Variants in OSBPL6 observed in about 807,000 individuals in gnomAD.
The protein encoded by OSBPL6 is oxysterol-binding protein-related protein 6.
In OSBPL6, 49 loss-of-function variants were observed where a neutral mutation model predicts 125.8. The ratio of observed to expected loss-of-function variants is 0.39; its 90% CI spans 0.31 to 0.49. OSBPL6 has a LOEUF of 0.49. Ranked by LOEUF, OSBPL6 falls within the 20% of genes least tolerant of loss-of-function variation. OSBPL6 has a pLI of 0.88. For missense variants in OSBPL6, 986 were observed against 1,135.4 expected, an observed-to-expected ratio of 0.87 and a Z score of 1.89; for synonymous variants, 394 against 391.8, an observed-to-expected ratio of 1.01 and a Z score of -0.07.
intron 1 of OSBPL6, among the ~76,000 whole-genome samples, chr2:178,263,532 C>G (rs2092130030): frequency 6.6e-6 from 1 of 152,150 alleles, no homozygotes; most frequent in Non-Finnish European, 1.5e-5. Context: ...CCTCTAGCAG[C>G]CTAGCATCCT....
chr2:178,308,595 C>T (rs7562824), intron 3 of OSBPL6, among the ~76,000 whole-genome samples: 4,262 of 152,196 alleles, frequency 0.028, 188 homozygotes, highest in African/African-American at 0.097. Flanking sequence ...AATGATTGAG[C>T]ATTTCTACTT....
chr2:178,292,381 A>G (rs1685365428), intron 2 of OSBPL6, among the ~76,000 whole-genome samples: 2 of 152,202 alleles, frequency 1.3e-5, no homozygotes, highest in African/African-American at 2.4e-5. Flanking sequence ...TGAACCAACA[A>G]CACAAATCTC....
chr2:178,374,939 T>A (rs1693725303), intron 15 of OSBPL6, among the ~76,000 whole-genome samples: 1 of 152,192 alleles, frequency 6.6e-6, no homozygotes, highest in African/African-American at 2.4e-5. Flanking sequence ...AATAGAATTC[T>A]TATATCAGAT....
chr2:178,195,287 C>G (rs2153922101), intron 1 of OSBPL6, among the ~76,000 whole-genome samples: 2 of 152,334 alleles, frequency 1.3e-5, no homozygotes, highest in Middle Eastern at 6.8e-3. Flanking sequence ...GCCCTCCCGG[C>G]AGCCTCCGTC....
At chr2:178,279,058 A>G (rs1036975128) in intron 1 of OSBPL6, among the ~76,000 whole-genome samples, 25 of 152,164 alleles carry the variant, frequency 1.6e-4, no homozygotes, top group African/African-American at 5.8e-4. Flanking sequence ...TTGGTATGAA[A>G]TAGACTTTGC....
At chr2:178,272,811 C>A (rs974654494) in intron 1 of OSBPL6, among the ~76,000 whole-genome samples, 2 of 152,192 alleles carry the variant, frequency 1.3e-5, no homozygotes, top group Non-Finnish European at 2.9e-5. Context: ...AGCATGAGCA[C>A]CTGCCATGGG....
At chr2:178,386,916 C>T (rs906921327) in intron 19 of OSBPL6, 145 bp from the exon 20 acceptor site, 1 of 439,126 alleles carries the variant, frequency 2.3e-6, no homozygotes, top group Non-Finnish European at 4.0e-6. Flanking sequence ...GGGCCATTTG[C>T]AGGCACTTGT....
At chr2:178,278,182 G>A (rs769066474) in intron 1 of OSBPL6, among the ~76,000 whole-genome samples, 2 of 152,098 alleles carry the variant, frequency 1.3e-5, no homozygotes, top group Non-Finnish European at 2.9e-5. Flanking sequence ...CCTCTTTTGA[G>A]GAACTTCTTC....
intron 8 of OSBPL6, among the ~76,000 whole-genome samples, chr2:178,335,591 A>C (rs1430110093): frequency 6.6e-6 from 1 of 152,216 alleles, no homozygotes; most frequent in Non-Finnish European, 1.5e-5. Flanking sequence ...TAGAAGAGAC[A>C]CAACTCAGTT....
At chr2:178,201,961 G>A (rs1559110092) in intron 1 of OSBPL6, among the ~76,000 whole-genome samples, 1 of 152,178 alleles carries the variant, frequency 6.6e-6, no homozygotes, top group Admixed American at 6.5e-5. Flanking sequence ...GAACTTTCGG[G>A]AATGGCAGAA....
intron 1 of OSBPL6, among the ~76,000 whole-genome samples, chr2:178,228,194 C>G (rs1224071264): frequency 6.6e-6 from 1 of 152,208 alleles, no homozygotes; most frequent in African/African-American, 2.4e-5. Context: ...GAAGGTATCT[C>G]TTCCACTTTC....
chr2:178,387,159 C>A lies in OSBPL6; in HGVS notation c.2156+20C>A. 6.4e-7 allele frequency: 1 copy of A among 1,551,944 alleles called. No individual in the cohort carries two copies. The highest frequency in any genetic ancestry group is 1.1e-5 in the South Asian group (1 of 89,028). ...TCCAAAGTAGGTGACTCACACCTCCCTTTTGGCCTCTTGTCTGCTTTTCTA... is the reference window on the plus strand; with the variant it reads ...TCCAAAGTAGGTGACTCACACCTCCATTTTGGCCTCTTGTCTGCTTTTCTA... On this transcript the variant is annotated intron_variant, in intron 20 of 24. Coordinates refer to ENST00000190611, the MANE Select transcript of OSBPL6 (RefSeq NM_032523.4).
chr2:178,269,695 A>G (rs559676979), intron 1 of OSBPL6, among the ~76,000 whole-genome samples: 4 of 152,208 alleles, frequency 2.6e-5, no homozygotes, highest in African/African-American at 9.6e-5. Context: ...GCCTTGTTAT[A>G]TTACAGAGTA....
chr2:178,264,019 G>A (rs2092151253), intron 1 of OSBPL6, among the ~76,000 whole-genome samples: 1 of 152,148 alleles, frequency 6.6e-6, no homozygotes, highest in Admixed American at 6.5e-5. Flanking sequence ...TCAGGGAGCT[G>A]TCTGGTGGCA....
intron 13 of OSBPL6, among the ~76,000 whole-genome samples, 182 bp downstream of exon 13, chr2:178,361,997 C>T (rs962048882): frequency 3.9e-5 from 6 of 152,172 alleles, no homozygotes; most frequent in Non-Finnish European, 5.9e-5. Flanking sequence ...CCCAAAATTT[C>T]AAGGTAAGAG....
chr2:178,284,074 T>A (rs1287692606), intron 1 of OSBPL6, among the ~76,000 whole-genome samples: 1 of 152,212 alleles, frequency 6.6e-6, no homozygotes, highest in African/African-American at 2.4e-5. Context: ...TTATGTCAAG[T>A]TAAAAACTAT....
chr2:178,317,417 C>A (rs910262844), intron 3 of OSBPL6, among the ~76,000 whole-genome samples: 2 of 133,354 alleles, frequency 1.5e-5, no homozygotes, highest in African/African-American at 5.6e-5. Context: ...TTAATTATGT[C>A]GCAGCAGAAA....
At chr2:178,325,600 CA>C (rs1688631791) in intron 4 of OSBPL6, among the ~76,000 whole-genome samples, 1 of 146,326 alleles carries the variant, frequency 6.8e-6, no homozygotes, top group Non-Finnish European at 1.5e-5. Flanking sequence ...AAATAGAGAA[CA>C]AATAAATAAA....
intron 13 of OSBPL6, among the ~76,000 whole-genome samples, chr2:178,363,504 T>A (rs999280734): frequency 6.6e-6 from 1 of 152,182 alleles, no homozygotes; most frequent in African/African-American, 2.4e-5. Flanking sequence ...TTCAGAGCAG[T>A]ACATGGTGGT....
Sources: allele counts gnomAD v4.1 joint callset (sites outside exome capture counted in the v4.1 genomes callset), GRCh38; gene constraint gnomAD v4.1.1; transcripts MANE v1.5; gene names NCBI Gene and HGNC (gene_info 2026-07-23, HGNC 2026-07-21).